PLXDC2: variants seen among roughly 807,000 people sequenced by gnomAD.
PLXDC2 encodes plexin domain-containing protein 2.
PLXDC2 carries 40 observed loss-of-function variants against 68.9 expected under a neutral mutation model. That is an observed-to-expected ratio of 0.58 (90% confidence interval 0.45 to 0.76). PLXDC2 has a LOEUF of 0.76. PLXDC2 is among the 30% of genes least tolerant of loss of function. The pLI is 0.00. For missense variants in PLXDC2, 644 were observed against 661.9 expected, an observed-to-expected ratio of 0.97 and a Z score of 0.30; for synonymous variants, 243 against 234.2, an observed-to-expected ratio of 1.04 and a Z score of -0.34.
At chr10:19,921,618 A>C (rs1194270098) in intron 1 of PLXDC2, among the ~76,000 whole-genome samples, 1 of 152,224 alleles carries the variant, frequency 6.6e-6, no homozygotes, top group Non-Finnish European at 1.5e-5. Context: ...TTCCCCATCG[A>C]AAACTCTGTT....
chr10:19,949,088 C>G lies in PLXDC2; in HGVS notation c.113-52687C>G, dbSNP rs142207845. Among the ~76,000 whole-genome samples, 473 of 126,704 alleles carry G rather than the reference C, an allele frequency of 3.7e-3. 1 individual carries two copies. Among genetic ancestry groups the G allele is most frequent in the Non-Finnish European group, 5.6e-3 (357 of 64,108 alleles). 83.1% of individuals were successfully genotyped at this position (126,704 alleles called of 152,430 possible). ...GTTGCAGTGAACCAAGATTGCACCA[C>G]TGCACTCCAGTCTGGCAACAGAGCG... On this transcript the variant is annotated intron_variant, in intron 1 of 13. Transcript: ENST00000377252.
At position 20,277,208 on chromosome 10, in the gene PLXDC2, CAAAAAAA is replaced by C. The variant is rs60978653; in HGVS notation, c.1474-2475_1474-2469del. 3.4e-4 allele frequency among the ~76,000 whole-genome samples: 23 copies of C among 67,952 alleles called. No individual in the cohort carries two copies. In the East Asian group the frequency reaches 5.2e-3, roughly 15 times the overall value. The allele number at this position is 67,952 out of a possible 152,430, so 44.6% of individuals were successfully genotyped here. A position where few individuals can be genotyped will look rare whatever the true frequency, so the allele number is the denominator to read the frequency against. On this transcript the variant is annotated intron_variant, in intron 13 of 13. Transcript: ENST00000377252. ...TGGGTGACAGAGCGAGATTCCATCT[CAAAAAAA>C]AAAAAAAAAAAAAAAAAAAGAGTCC... is the stretch of plus-strand genomic sequence containing the variant.
At chr10:19,883,602 T>C (rs927128216) in intron 1 of PLXDC2, among the ~76,000 whole-genome samples, 3 of 152,088 alleles carry the variant, frequency 2.0e-5, no homozygotes, top group Non-Finnish European at 4.4e-5. Flanking sequence ...TCCCCTTTTC[T>C]TTTCTAGAAT....
intron 1 of PLXDC2, among the ~76,000 whole-genome samples, chr10:19,846,911 C>T (rs1837020114): frequency 6.6e-6 from 1 of 152,080 alleles, no homozygotes; most frequent in African/African-American, 2.4e-5. Context: ...ACAATCATGG[C>T]AGAAGGGAAA....
intron 9 of PLXDC2, among the ~76,000 whole-genome samples, chr10:20,188,180 C>T (rs958534874): frequency 3.2e-4 from 48 of 151,134 alleles, no homozygotes; most frequent in Admixed American, 1.4e-3. Flanking sequence ...AGTTAATTGC[C>T]CAAAAATAGA....
At chr10:20,222,905 C>A (rs2131869230) in intron 12 of PLXDC2, among the ~76,000 whole-genome samples, 1 of 152,208 alleles carries the variant, frequency 6.6e-6, no homozygotes, top group South Asian at 2.1e-4. Flanking sequence ...TTTCTAGTTA[C>A]ATGTGTAATA....
At chr10:20,080,149 A>T (rs1162386879) in intron 4 of PLXDC2, among the ~76,000 whole-genome samples, 1 of 152,210 alleles carries the variant, frequency 6.6e-6, no homozygotes, top group East Asian at 1.9e-4. Flanking sequence ...TATTTATTAT[A>T]AAGCATTTGG....
intron 9 of PLXDC2, among the ~76,000 whole-genome samples, chr10:20,183,119 A>G (rs1205491925): frequency 2.0e-5 from 3 of 151,990 alleles, no homozygotes; most frequent in African/African-American, 7.2e-5. Context: ...AAAGAAATAA[A>G]GAGTTTGCTT....
chr10:19,897,650 T>A (rs1443348292), intron 1 of PLXDC2, among the ~76,000 whole-genome samples: 1 of 152,194 alleles, frequency 6.6e-6, no homozygotes. Flanking sequence ...TTTTTAAGAC[T>A]ATATATAAAA....
At chr10:19,978,155 G>A (rs533110264) in intron 1 of PLXDC2, among the ~76,000 whole-genome samples, 1 of 152,180 alleles carries the variant, frequency 6.6e-6, no homozygotes, top group South Asian at 2.1e-4. Flanking sequence ...TTTGTTTTAT[G>A]GGTTTATGGT....
At chr10:20,043,467 CTCTT>C (rs1325360900) in intron 2 of PLXDC2, 9 of 152,104 alleles carry the variant, frequency 5.9e-5, no homozygotes, top group African/African-American at 1.2e-4. Flanking sequence ...AACTTCAAGA[CTCTT>C]TCTTAACTAA....
chr10:20,133,233 A>G (rs1448348769), intron 4 of PLXDC2, among the ~76,000 whole-genome samples: 1 of 152,116 alleles, frequency 6.6e-6, no homozygotes, highest in African/African-American at 2.4e-5. Context: ...GTTAAAAGTG[A>G]GTTGTGGAGC....
At position 20,012,330 on chromosome 10, in the gene PLXDC2, TTTTTGG is replaced by T. The variant is rs1451832446; in HGVS notation, c.324+10345_324+10350del. ...TTTTTATTTTTTTTTTTTTTTTTTTTTTTTGGAGAAGGAGACTTGCTGTGTTTCCCA... is the reference window on the plus strand; with the variant it reads ...TTTTTATTTTTTTTTTTTTTTTTTTTAGAAGGAGACTTGCTGTGTTTCCCA... On this transcript the variant is annotated intron_variant, in intron 2 of 13. Coordinates refer to ENST00000377252, the MANE Select transcript of PLXDC2 (RefSeq NM_032812.9). 5.4e-3 allele frequency among the ~76,000 whole-genome samples: 110 copies of T among 20,514 alleles called. 18 individuals carry two copies. The East Asian group carries it at 0.12, about 22-fold the overall frequency. 13.5% of individuals were successfully genotyped at this position (20,514 alleles called of 152,430 possible). A position where few individuals can be genotyped will look rare whatever the true frequency, so the allele number is the denominator to read the frequency against.
chr10:20,036,195 T>C (rs1589598240), intron 2 of PLXDC2, among the ~76,000 whole-genome samples: 1 of 152,122 alleles, frequency 6.6e-6, no homozygotes, highest in Non-Finnish European at 1.5e-5. Flanking sequence ...CTAGGCCCCA[T>C]TGTGACTGTA....
intron 4 of PLXDC2, among the ~76,000 whole-genome samples, chr10:20,115,609 T>A (rs887958297): frequency 2.6e-5 from 4 of 152,128 alleles, no homozygotes; most frequent in African/African-American, 9.7e-5. Context: ...TTTTTGACAA[T>A]GGCAATGTAA....
At chr10:20,037,744 C>G (rs1294664852) in intron 2 of PLXDC2, among the ~76,000 whole-genome samples, 1 of 152,108 alleles carries the variant, frequency 6.6e-6, no homozygotes, top group African/African-American at 2.4e-5. Flanking sequence ...GGGTATTGTG[C>G]TTTCATGGCC....
intron 1 of PLXDC2, among the ~76,000 whole-genome samples, chr10:19,892,946 T>C (rs1837992055): frequency 6.6e-6 from 1 of 151,578 alleles, no homozygotes; most frequent in Non-Finnish European, 1.5e-5. Context: ...TTTGCCACTG[T>C]TACAATTTGC....
At chr10:20,272,230 T>C (rs1417071089) in intron 13 of PLXDC2, among the ~76,000 whole-genome samples, 1 of 152,208 alleles carries the variant, frequency 6.6e-6, no homozygotes, top group Non-Finnish European at 1.5e-5. Flanking sequence ...AAATGAATTA[T>C]TCCTTTCAGT....
intron 13 of PLXDC2, among the ~76,000 whole-genome samples, chr10:20,271,833 G>A (rs889547561): frequency 3.2e-4 from 48 of 152,166 alleles, no homozygotes; most frequent in African/African-American, 1.1e-3. Context: ...AGGTGAGGTA[G>A]GAGAAATGTA....
Sources: gnomAD v4.1 joint callset for allele counts (sites outside exome capture counted in the v4.1 genomes callset) on GRCh38, gnomAD v4.1.1 for gene constraint, MANE v1.5 for transcripts, NCBI Gene and HGNC (gene_info 2026-07-23, HGNC 2026-07-21) for gene names.